MAN2A1: variants seen among roughly 807,000 people sequenced by gnomAD.
MAN2A1 encodes the protein alpha-mannosidase 2.
Under a neutral mutation model 142.6 loss-of-function variants are expected in MAN2A1, and 76 were observed. The observed-to-expected ratio is 0.53, with a 90% CI of 0.44 to 0.65. The LOEUF is 0.65. Among genes scored for constraint, MAN2A1 ranks in the 30% least tolerant of loss-of-function variants. The pLI, the probability that MAN2A1 is intolerant of heterozygous loss-of-function variation, is 0.00. For missense variants in MAN2A1, 1,311 were observed against 1,365.1 expected, an observed-to-expected ratio of 0.96 and a Z score of 0.62; for synonymous variants, 559 against 473.2, an observed-to-expected ratio of 1.18 and a Z score of -2.35.
At chr5:109,736,984 G>A (rs1561486247) in intron 4 of MAN2A1, among the ~76,000 whole-genome samples, 1 of 151,038 alleles carries the variant, frequency 6.6e-6, no homozygotes, top group African/African-American at 2.4e-5. Context: ...TTTGACTTAG[G>A]TATGTTAGAA....
At chr5:109,819,266 G>T (rs1320028825) in intron 13 of MAN2A1, among the ~76,000 whole-genome samples, 1 of 152,156 alleles carries the variant, frequency 6.6e-6, no homozygotes, top group Admixed American at 6.5e-5. Context: ...TAGGTTAGGT[G>T]TATTAAACAC....
At chr5:109,783,657 T>G (rs1031324911) in intron 9 of MAN2A1, among the ~76,000 whole-genome samples, 4 of 152,130 alleles carry the variant, frequency 2.6e-5, no homozygotes, top group Non-Finnish European at 5.9e-5. Flanking sequence ...CAAGTTGCCT[T>G]GATTCTGTCT....
intron 3 of MAN2A1, among the ~76,000 whole-genome samples, chr5:109,724,659 A>G (rs1436907324): frequency 6.6e-6 from 1 of 152,110 alleles, no homozygotes; most frequent in East Asian, 1.9e-4. Context: ...TGGAATTAAT[A>G]TACTTAAAAA....
intron 4 of MAN2A1, among the ~76,000 whole-genome samples, chr5:109,732,324 C>G (rs1561483407): frequency 6.6e-6 from 1 of 151,970 alleles, no homozygotes; most frequent in Admixed American, 6.6e-5. Context: ...CCTGTTCACT[C>G]TGATGGTAGT....
chr5:109,793,965 GC>G (rs963350324), intron 12 of MAN2A1, among the ~76,000 whole-genome samples: 1 of 152,198 alleles, frequency 6.6e-6, no homozygotes, highest in African/African-American at 2.4e-5. Context: ...TTCAAGGCTA[GC>G]TTTTTTCTTT....
chr5:109,828,154 G>C (rs1754807631), intron 16 of MAN2A1, among the ~76,000 whole-genome samples: 1 of 151,152 alleles, frequency 6.6e-6, no homozygotes, highest in African/African-American at 2.4e-5. Flanking sequence ...GAAATATATT[G>C]TTTTGCCCAT....
intron 20 of MAN2A1, chr5:109,863,356 T>TATTTC (rs1174513214): frequency 6.6e-6 from 1 of 152,248 alleles, no homozygotes; most frequent in Admixed American, 6.5e-5. Context: ...TTTGTTAAGC[T>TATTTC]ATTTCATTTC....
rs147017455 is a variant in MAN2A1 at position 109,815,618 on chromosome 5, T to C, written c.1944-1655T>C. ...TGATGAACAATTTATAAGTCTAGTG[T>C]CATGGATTTTGTGTTATATCCTCTT... On this transcript the variant is annotated intron_variant, in intron 12 of 21. Transcript: ENST00000261483. Among the ~76,000 whole-genome samples, 240 of 152,334 alleles carry C rather than the reference T, an allele frequency of 1.6e-3. 1 individual carries two copies. Among genetic ancestry groups the C allele is most frequent in the African/African-American group, 5.4e-3 (226 of 41,584 alleles).
intron 20 of MAN2A1, chr5:109,863,637 T>A (rs1423740149): frequency 6.6e-6 from 1 of 152,236 alleles, no homozygotes; most frequent in East Asian, 1.9e-4. Flanking sequence ...AGAAAATAGA[T>A]ATTTAGGAAG....
chr5:109,850,601 G>A (rs1755459242), intron 19 of MAN2A1, among the ~76,000 whole-genome samples: 1 of 152,148 alleles, frequency 6.6e-6, no homozygotes, highest in Non-Finnish European at 1.5e-5. Flanking sequence ...CATTGTCTGA[G>A]TGCTGACAGC....
Position 109,865,102 on chromosome 5 carries a change from T to C in MAN2A1, c.3238T>C (p.Ser1080Pro). 1 of 1,614,068 alleles carries C rather than the reference T, an allele frequency of 6.2e-7. No homozygotes were observed. The highest frequency in any genetic ancestry group is 8.5e-7 in the Non-Finnish European group (1 of 1,179,944). ...CAGAAAAGGGTTTGATTGTCGGTTCTCTAGCAAAGGCACAGGGCTGTTTTG... is the reference window on the plus strand; with the variant it reads ...CAGAAAAGGGTTTGATTGTCGGTTCCCTAGCAAAGGCACAGGGCTGTTTTG... ...LHRKGFDCRF[S>P]SKGTGLFCST... Residue 1080 changes from serine to proline, a missense_variant, in exon 21 of 22, where the codon TCT becomes CCT. Transcript: ENST00000261483.
intron 17 of MAN2A1, among the ~76,000 whole-genome samples, chr5:109,842,805 G>GATTTTTTTTT (rs1561539636): frequency 9.8e-6 from 1 of 102,318 alleles, no homozygotes; most frequent in Non-Finnish European, 2.0e-5. Context: ...ATACTTATTG[G>GATTTTTTTTT]GTTTTTTTTT....
At chr5:109,808,104 T>A (rs1310255759) in intron 12 of MAN2A1, among the ~76,000 whole-genome samples, 2 of 152,218 alleles carry the variant, frequency 1.3e-5, no homozygotes, top group African/African-American at 4.8e-5. Flanking sequence ...ATAATTGCAT[T>A]TTAGAGATGC....
At chr5:109,822,867 C>T (rs1754663862) in intron 15 of MAN2A1, among the ~76,000 whole-genome samples, 2 of 151,978 alleles carry the variant, frequency 1.3e-5, no homozygotes, top group African/African-American at 2.4e-5. Flanking sequence ...TTAGTAGAGA[C>T]GGGGTTTCAC....
At position 109,789,319 on chromosome 5, in the gene MAN2A1, T is replaced by C. The variant is rs1423211210; in HGVS notation, c.1876-141T>C. The C allele has an allele frequency of 5.4e-6, 3 of 559,674 alleles. No homozygotes were observed. The African/African-American group carries it at 5.9e-5, about 11-fold the overall frequency. 34.7% of individuals were successfully genotyped at this position (559,674 alleles called of 1,614,324 possible). On this transcript the variant is annotated intron_variant, in intron 11 of 21. Coordinates refer to ENST00000261483, the MANE Select transcript of MAN2A1 (RefSeq NM_002372.4). ...TATAACTAGTTGTTTTGCTTGGCTT[T>C]AATTAGAAACCCCTTGATATTTAAC...
At chr5:109,761,397 TTTC>T (rs1752840230) in intron 5 of MAN2A1, among the ~76,000 whole-genome samples, 1 of 151,864 alleles carries the variant, frequency 6.6e-6, no homozygotes, top group African/African-American at 2.4e-5. Context: ...AGAAAATTAT[TTTC>T]TTCTTAGTAT....
chr5:109,806,885 T>C (rs1163689390), intron 12 of MAN2A1, among the ~76,000 whole-genome samples: 1 of 152,220 alleles, frequency 6.6e-6, no homozygotes, highest in Non-Finnish European at 1.5e-5. Flanking sequence ...CATAATATTT[T>C]GTCCATGATT....
chr5:109,821,058 C>G (rs1205975255), intron 15 of MAN2A1, among the ~76,000 whole-genome samples: 2 of 152,136 alleles, frequency 1.3e-5, no homozygotes, highest in African/African-American at 4.8e-5. Flanking sequence ...TAGTAATACG[C>G]AAACTCTGGC....
intron 16 of MAN2A1, chr5:109,840,398 A>G: frequency 2.6e-6 from 1 of 389,174 alleles, no homozygotes; most frequent in South Asian, 2.3e-5. Flanking sequence ...ATTGCTGGTA[A>G]TGATTCCTCC....
Sources: gnomAD v4.1 joint callset for allele counts (sites outside exome capture counted in the v4.1 genomes callset) on GRCh38, gnomAD v4.1.1 for gene constraint, MANE v1.5 for transcripts, NCBI Gene and HGNC (gene_info 2026-07-23, HGNC 2026-07-21) for gene names.